The following PDE8A variants were observed in gnomAD, a reference collection of about 807,000 sequenced individuals.
PDE8A encodes high affinity cAMP-specific and IBMX-insensitive 3',5'-cyclic phosphodiesterase 8A.
In PDE8A, 59 loss-of-function variants were observed where a neutral mutation model predicts 105.0. That is an observed-to-expected ratio of 0.56 (90% CI 0.46 to 0.70). PDE8A has a LOEUF of 0.70. Among genes scored for constraint, PDE8A ranks in the 30% least tolerant of loss-of-function variants. The pLI is 0.00. For missense variants in PDE8A, 1,014 were observed against 1,045.9 expected (o/e 0.97, Z 0.42); for synonymous variants, 355 against 371.9 (o/e 0.95, Z 0.52).
intron 19 of PDE8A, among the ~76,000 whole-genome samples, chr15:85,124,378 C>T (rs1482096783): frequency 6.6e-6 from 1 of 152,126 alleles, no homozygotes; most frequent in Non-Finnish European, 1.5e-5. Context: ...TCATGAACCT[C>T]TTCCTTTGAG....
At chr15:85,076,315 A>C (rs1375956394) in intron 4 of PDE8A, among the ~76,000 whole-genome samples, 1 of 152,112 alleles carries the variant, frequency 6.6e-6, no homozygotes, top group Non-Finnish European at 1.5e-5. Context: ...AAGTATTCAA[A>C]TTAATGTTAT....
intron 1 of PDE8A, among the ~76,000 whole-genome samples, chr15:85,022,084 C>T (rs1189080230): frequency 6.6e-6 from 1 of 152,216 alleles, no homozygotes; most frequent in Non-Finnish European, 1.5e-5. Context: ...TTTTAACATT[C>T]ATTGGTCATT....
chr15:85,109,958 T>A (rs1315929575), intron 12 of PDE8A, among the ~76,000 whole-genome samples: 1 of 152,170 alleles, frequency 6.6e-6, no homozygotes, highest in East Asian at 1.9e-4. Flanking sequence ...GGTGTCAGAA[T>A]GACCTCAGTC....
rs150664000 is a variant in PDE8A, at chr15:85,048,307, A to G, written c.187-16063A>G. On this transcript the variant is annotated intron_variant, in intron 1 of 21. Coordinates refer to ENST00000394553, the MANE Select transcript of PDE8A (RefSeq NM_002605.3). Reference sequence around the variant, plus strand: ...GGGTTTTTTTCTGGTAACCTAGTATATCATGTTTTTCTAATATTTATAAAT... The same window carrying G: ...GGGTTTTTTTCTGGTAACCTAGTATGTCATGTTTTTCTAATATTTATAAAT... 6.0e-3 allele frequency among the ~76,000 whole-genome samples: 906 copies of G among 152,142 alleles called. 14 individuals carry two copies. Among genetic ancestry groups the G allele is most frequent in the African/African-American group, 0.021 (860 of 41,496 alleles).
chr15:85,060,687 C>A (rs886266244), intron 1 of PDE8A, among the ~76,000 whole-genome samples: 1 of 152,072 alleles, frequency 6.6e-6, no homozygotes, highest in African/African-American at 2.4e-5. Flanking sequence ...TCAAATGTCT[C>A]TTATTTAGGA....
chr15:85,136,402 G>A, intron 20 of PDE8A, 132 bp from the exon 21 acceptor site: 2 of 813,560 alleles, frequency 2.5e-6, no homozygotes, highest in Non-Finnish European at 2.0e-6. Flanking sequence ...GGCTGCGTGA[G>A]GTGGTGATTG....
chr15:85,036,657 T>C (rs940809685), intron 1 of PDE8A, among the ~76,000 whole-genome samples: 2 of 151,940 alleles, frequency 1.3e-5, no homozygotes, highest in Non-Finnish European at 2.9e-5. Context: ...GCAGTAAAGG[T>C]TGTGGGATCT....
chr15:85,075,928 C>A lies in PDE8A; in HGVS notation c.491+10C>A, dbSNP rs1432757706. On this transcript the variant is annotated intron_variant, in intron 4 of 21. Coordinates refer to ENST00000394553, the MANE Select transcript of PDE8A (RefSeq NM_002605.3). ...TTGGTGTAGTACGCAGGTAAACTTTCATTTTTTTAATGTTGAAATTGAGGT... is the reference window on the plus strand; with the variant it reads ...TTGGTGTAGTACGCAGGTAAACTTTAATTTTTTTAATGTTGAAATTGAGGT... 2 of 1,502,230 alleles carry A rather than the reference C, an allele frequency of 1.3e-6. No homozygotes were observed. The highest frequency in any genetic ancestry group is 1.7e-5 in the Admixed American group (1 of 57,300). The allele number at this position is 1,502,230 out of a possible 1,614,324, so 93.1% of individuals were successfully genotyped here. A position where few individuals can be genotyped will look rare whatever the true frequency, so the allele number is the denominator to read the frequency against.
chr15:84,991,253 A>C (rs1385096399), intron 1 of PDE8A, among the ~76,000 whole-genome samples: 6 of 152,214 alleles, frequency 3.9e-5, no homozygotes, highest in Admixed American at 2.0e-4. Flanking sequence ...GCATAGTACC[A>C]ATAAAGGATT....
At chr15:85,126,166 G>T in intron 19 of PDE8A, 41 bp from the exon 20 acceptor site, 2 of 1,503,776 alleles carry the variant, frequency 1.3e-6, no homozygotes, top group Non-Finnish European at 1.8e-6. Context: ...TTGGCACCAA[G>T]GGATCCATTT....
chr15:84,982,854 A>G (rs2079740959), intron 1 of PDE8A, among the ~76,000 whole-genome samples: 1 of 152,258 alleles, frequency 6.6e-6, no homozygotes, highest in Non-Finnish European at 1.5e-5. Context: ...CGGGACTGCT[A>G]GAATGTAATC....
chr15:85,045,942 T>C (rs2080879433), intron 1 of PDE8A, among the ~76,000 whole-genome samples: 1 of 152,114 alleles, frequency 6.6e-6, no homozygotes, highest in African/African-American at 2.4e-5. Flanking sequence ...ACAATTAATG[T>C]AAATTGACCC....
chr15:85,063,264 T>G (rs924819509), intron 1 of PDE8A: 9 of 152,192 alleles, frequency 5.9e-5, no homozygotes, highest in African/African-American at 2.2e-4. Context: ...GGTCACTGTT[T>G]GAGGGGAGAG....
intron 1 of PDE8A, among the ~76,000 whole-genome samples, chr15:85,017,488 A>G (rs997507162): frequency 6.6e-6 from 1 of 152,226 alleles, no homozygotes; most frequent in African/African-American, 2.4e-5. Flanking sequence ...TGTTAAAATA[A>G]TAAAGAAGAT....
At chr15:85,102,522 A>ATT (rs35094470) in intron 11 of PDE8A, among the ~76,000 whole-genome samples, 50 of 146,310 alleles carry the variant, frequency 3.4e-4, no homozygotes, top group Non-Finnish European at 4.7e-4. Flanking sequence ...GGTTGTAAGC[A>ATT]TTTTTTTTTT....
At chr15:85,048,033 G>T (rs1442381144) in intron 1 of PDE8A, among the ~76,000 whole-genome samples, 1 of 152,070 alleles carries the variant, frequency 6.6e-6, no homozygotes, top group Non-Finnish European at 1.5e-5. Context: ...TATAGATTTT[G>T]CCTCTCATTA....
chr15:85,061,959 T>C (rs967440794), intron 1 of PDE8A, among the ~76,000 whole-genome samples: 8 of 152,322 alleles, frequency 5.3e-5, no homozygotes, highest in African/African-American at 1.9e-4. Context: ...TTTTTAGTTT[T>C]TTTCATCTCT....
chr15:85,008,573 A>G (rs1191777355), intron 1 of PDE8A, among the ~76,000 whole-genome samples: 1 of 152,048 alleles, frequency 6.6e-6, no homozygotes, highest in Non-Finnish European at 1.5e-5. Context: ...TTCTGCTACC[A>G]GGTATAGGTC....
At chr15:85,077,430 T>C (rs1286670110) in intron 5 of PDE8A, among the ~76,000 whole-genome samples, 2 of 152,154 alleles carry the variant, frequency 1.3e-5, no homozygotes, top group Non-Finnish European at 2.9e-5. Context: ...CAGGTTAGTA[T>C]AAGAAAGGTA....
Sources: gnomAD v4.1 joint callset for allele counts (sites outside exome capture counted in the v4.1 genomes callset) on GRCh38, gnomAD v4.1.1 for gene constraint, MANE v1.5 for transcripts, NCBI Gene and HGNC (gene_info 2026-07-23, HGNC 2026-07-21) for gene names.